Variants in PCSK2 observed in about 807,000 individuals in gnomAD.
PCSK2 encodes the protein proprotein convertase subtilisin/kexin type 2.
In PCSK2, 14 loss-of-function variants were observed where a neutral mutation model predicts 69.7. The observed-to-expected ratio is 0.20, with a 90% CI of 0.13 to 0.31. PCSK2 has a LOEUF of 0.31. PCSK2 is among the 10% of genes least tolerant of loss of function. The pLI is 1.00. For synonymous variants in PCSK2, 307 were observed against 320.7 expected (o/e 0.96, Z 0.46); for missense variants, 544 against 842.5 (o/e 0.65, Z 4.39).
At chr20:17,269,331 G>A (rs186196088) in intron 2 of PCSK2, among the ~76,000 whole-genome samples, 27 of 152,212 alleles carry the variant, frequency 1.8e-4, no homozygotes, top group African/African-American at 5.8e-4. Flanking sequence ...AGATTTAGAA[G>A]TCAAAGAGAT....
chr20:17,248,916 G>T (rs1986870003), intron 1 of PCSK2, among the ~76,000 whole-genome samples: 1 of 152,122 alleles, frequency 6.6e-6, no homozygotes, highest in African/African-American at 2.4e-5. Flanking sequence ...ACACTCAGGA[G>T]AGCTGGGATT....
chr20:17,421,807 TAAAAA>T (rs56376793), intron 6 of PCSK2, among the ~76,000 whole-genome samples: 9 of 78,966 alleles, frequency 1.1e-4, no homozygotes, highest in South Asian at 8.8e-4. Context: ...GGAAGAGAGG[TAAAAA>T]AAAAAAAAAA....
intron 8 of PCSK2, among the ~76,000 whole-genome samples, chr20:17,438,842 GC>G (rs923211553): frequency 2.6e-5 from 4 of 152,204 alleles, no homozygotes; most frequent in Non-Finnish European, 4.4e-5. Flanking sequence ...ATGGTCCAGA[GC>G]CCCCTGTGGG....
chr20:17,290,976 T>A (rs1172460318), intron 2 of PCSK2, among the ~76,000 whole-genome samples: 4 of 152,120 alleles, frequency 2.6e-5, no homozygotes, highest in Non-Finnish European at 1.5e-5. Context: ...ATTTATCTAT[T>A]CATGAAGGCT....
At chr20:17,441,773 CACA>C (rs1057506687) in intron 8 of PCSK2, among the ~76,000 whole-genome samples, 4 of 152,018 alleles carry the variant, frequency 2.6e-5, no homozygotes, top group African/African-American at 9.7e-5. Context: ...GGGTCCTTCC[CACA>C]ACATGTGGAA....
intron 2 of PCSK2, among the ~76,000 whole-genome samples, chr20:17,335,321 A>C (rs2030248146): frequency 6.6e-6 from 1 of 152,112 alleles, no homozygotes; most frequent in South Asian, 2.1e-4. Flanking sequence ...CCATAGCCTC[A>C]GGGGGCTCAG....
chr20:17,400,603 T>C (rs1252969670), intron 5 of PCSK2, among the ~76,000 whole-genome samples: 1 of 152,192 alleles, frequency 6.6e-6, no homozygotes, highest in African/African-American at 2.4e-5. Flanking sequence ...TTTTTACTAA[T>C]TTTAATTACA....
Position 17,465,506 on chromosome 20 carries a change from C to T in PCSK2, c.1383C>T (p.Thr461=), listed in dbSNP as rs370059246. The change falls in exon 11 of 12, where the codon ACC becomes ACT. Residue 461 remains threonine, a synonymous_variant. Transcript: ENST00000262545. ...AMVKMAKDWK[T]VPERFHCVGG... ...TGAAAATGGCTAAAGACTGGAAAAC[C>T]GTGCCTGAGAGATTCCACTGTGTGG... The T allele has an allele frequency of 4.7e-5, 76 of 1,611,962 alleles. No homozygotes were observed. In the African/African-American group the frequency reaches 6.7e-4, roughly 14 times the overall value.
intron 2 of PCSK2, among the ~76,000 whole-genome samples, chr20:17,271,615 G>A (rs1284863801): frequency 6.6e-6 from 1 of 151,970 alleles, no homozygotes; most frequent in Non-Finnish European, 1.5e-5. Flanking sequence ...AGAGAGTGGT[G>A]GGGACTGTGG....
chr20:17,405,414 T>A (rs2031730537), intron 5 of PCSK2, among the ~76,000 whole-genome samples: 1 of 152,156 alleles, frequency 6.6e-6, no homozygotes. Flanking sequence ...CAGAAGCTTC[T>A]CTGTGGATGT....
intron 4 of PCSK2, 119 bp from the exon 5 acceptor site, chr20:17,369,121 C>A: frequency 1.2e-6 from 1 of 804,556 alleles, no homozygotes; most frequent in Non-Finnish European, 2.1e-6. Flanking sequence ...GGCACTCACC[C>A]CCATGGCAAG....
Position 17,227,455 on chromosome 20 carries a change from A to G in PCSK2, c.150A>G (p.Ala50=), listed in dbSNP as rs765397512. Residue 50 remains alanine, a synonymous_variant, in exon 1 of 12, where the codon GCA becomes GCG. Coordinates refer to ENST00000262545, the MANE Select transcript of PCSK2 (RefSeq NM_002594.5). ...KGGEDKARQV[A]AEHGFGVRKL... ...GAGAGGACAAAGCTCGCCAAGTTGC[A>G]GCAGAACACGGCTTTGGAGTCCGAA... 1 of 1,614,050 alleles carries G rather than the reference A, an allele frequency of 6.2e-7. No homozygotes were observed. Among genetic ancestry groups the G allele is most frequent in the Non-Finnish European group, 8.5e-7 (1 of 1,179,986 alleles).
intron 11 of PCSK2, among the ~76,000 whole-genome samples, chr20:17,477,720 T>G (rs373479767): frequency 6.6e-6 from 1 of 152,186 alleles, no homozygotes; most frequent in East Asian, 1.9e-4. Flanking sequence ...ATATTAACAC[T>G]AAGTTTATTC....
intron 2 of PCSK2, among the ~76,000 whole-genome samples, chr20:17,296,444 G>A (rs180860529): frequency 6.6e-6 from 1 of 152,262 alleles, no homozygotes; most frequent in Admixed American, 6.5e-5. Context: ...TGCTGACACT[G>A]CCAAACCACT....
At chr20:17,409,372 T>C in intron 6 of PCSK2, 33 bp downstream of exon 6, 1 of 1,462,704 alleles carries the variant, frequency 6.8e-7, no homozygotes, top group Non-Finnish European at 9.6e-7. Flanking sequence ...TCTTTGACTT[T>C]AGGCTTTGGG....
intron 2 of PCSK2, among the ~76,000 whole-genome samples, chr20:17,269,908 AGTT>A (rs1987794852): frequency 6.6e-6 from 1 of 152,256 alleles, no homozygotes; most frequent in East Asian, 1.9e-4. Flanking sequence ...TAAAATTATA[AGTT>A]GTTGTTGATT....
At chr20:17,481,388 CAAAAAAAAAAAAAAAAA>C (rs3076146) in intron 11 of PCSK2, among the ~76,000 whole-genome samples, 179 bp from the exon 12 acceptor site, 1 of 65,724 alleles carries the variant, frequency 1.5e-5, no homozygotes, top group Non-Finnish European at 2.7e-5. Flanking sequence ...TCTCAAAAGA[CAAAAAAAAAAAAAAAAA>C]AAAAAAAAAG....
intron 2 of PCSK2, among the ~76,000 whole-genome samples, chr20:17,309,414 TA>T (rs1989430786): frequency 6.6e-6 from 1 of 152,216 alleles, no homozygotes; most frequent in East Asian, 1.9e-4. Context: ...AAGCAATGAA[TA>T]AAAATATATA....
intron 10 of PCSK2, among the ~76,000 whole-genome samples, chr20:17,457,979 GAGATT>G (rs2032951291): frequency 6.6e-6 from 1 of 152,182 alleles, no homozygotes; most frequent in Non-Finnish European, 1.5e-5. Context: ...TGGACTCCTA[GAGATT>G]CATGGCTCTG....
Sources: gnomAD v4.1 joint callset for allele counts (sites outside exome capture counted in the v4.1 genomes callset) on GRCh38, gnomAD v4.1.1 for gene constraint, MANE v1.5 for transcripts, NCBI Gene and HGNC (gene_info 2026-07-23, HGNC 2026-07-21) for gene names.